Variants in LRCH2 observed in about 807,000 individuals in gnomAD.
The protein encoded by LRCH2 is leucine rich repeats and calponin homology domain containing 2.
In LRCH2, 38 loss-of-function variants were observed where a neutral mutation model predicts 68.9. That is an observed-to-expected ratio of 0.55 (90% CI 0.43 to 0.72). The LOEUF is 0.72. LRCH2 is among the 30% of genes least tolerant of loss of function. The probability of loss-of-function intolerance (pLI) is 0.00; values close to 1 mark genes in which losing one functional copy is unlikely to be tolerated. For missense variants in LRCH2, 528 were observed against 572.9 expected, an observed-to-expected ratio of 0.92 and a Z score of 0.80; for synonymous variants, 191 against 208.1, an observed-to-expected ratio of 0.92 and a Z score of 0.71.
In LRCH2 at chrX:115,117,963, A is replaced by C. The variant is rs782766178; in HGVS notation, c.2178+4564T>G. 1.1e-4 allele frequency among the ~76,000 whole-genome samples: 11 copies of C among 100,691 alleles called. No homozygotes were observed. The East Asian group carries it at 3.1e-3, about 29-fold the overall frequency. The allele number at this position is 100,691 out of a possible 115,157, so 87.4% of individuals were successfully genotyped here. ...CTCAATAAGGCTGTTAAAAATTGGAAAACATCCTAAAACAAAGAAAATTAA... is the reference window on the plus strand; with the variant it reads ...CTCAATAAGGCTGTTAAAAATTGGACAACATCCTAAAACAAAGAAAATTAA... On this transcript the variant is annotated intron_variant, in intron 20 of 20. Coordinates refer to ENST00000317135, the MANE Select transcript of LRCH2 (RefSeq NM_020871.4).
At chrX:115,192,476 C>A (rs781921591) in intron 1 of LRCH2, 2 of 1,170,702 alleles carry the variant, frequency 1.7e-6, no homozygotes. Context: ...GACCGCTACT[C>A]GAGGGGTCGA....
chrX:115,149,595 C>T (rs1281743247), intron 14 of LRCH2, among the ~76,000 whole-genome samples: 2 of 111,634 alleles, frequency 1.8e-5, no homozygotes, highest in Non-Finnish European at 3.8e-5. Flanking sequence ...ATTCGTCTAT[C>T]TTGCAAAGTA....
intron 7 of LRCH2, 135 bp downstream of exon 7, chrX:115,166,119 CT>C (rs2072557753): frequency 9.2e-6 from 6 of 650,993 alleles, no homozygotes; most frequent in Non-Finnish European, 1.2e-5. Context: ...TCAGCATGCC[CT>C]TTTTTTCAGT....
At chrX:115,200,937 A>C (rs2147343359) in intron 1 of LRCH2, among the ~76,000 whole-genome samples, 1 of 111,917 alleles carries the variant, frequency 8.9e-6, no homozygotes, top group Non-Finnish European at 1.9e-5. Flanking sequence ...ACAGGACATC[A>C]AAAAGATAAT....
At chrX:115,180,262 GT>G (rs1183143780) in intron 3 of LRCH2, among the ~76,000 whole-genome samples, 5 of 110,881 alleles carry the variant, frequency 4.5e-5, no homozygotes, top group African/African-American at 1.6e-4. Flanking sequence ...AAAATGAGAA[GT>G]TACAAGCCCC....
chrX:115,174,600 C>CA (rs1569514721), intron 5 of LRCH2, among the ~76,000 whole-genome samples: 957 of 87,190 alleles, frequency 0.011, 14 homozygotes, highest in African/African-American at 0.038. Flanking sequence ...CACCCCCCCC[C>CA]CCACACACAC....
At chrX:115,160,184 C>T (rs1274951195) in intron 11 of LRCH2, among the ~76,000 whole-genome samples, 5 of 110,176 alleles carry the variant, frequency 4.5e-5, no homozygotes, top group Admixed American at 9.7e-5. Context: ...GGCATGCTAG[C>T]GCATGCCTGT....
intron 1 of LRCH2, among the ~76,000 whole-genome samples, chrX:115,188,660 G>A (rs1373018663): frequency 2.7e-5 from 3 of 110,990 alleles, no homozygotes; most frequent in Admixed American, 1.9e-4. Context: ...GCGAAATCCT[G>A]TGTCTACTAA....
chrX:115,226,260 C>A (rs1319677428), intron 1 of LRCH2, among the ~76,000 whole-genome samples: 1 of 111,397 alleles, frequency 9.0e-6, no homozygotes, highest in Admixed American at 9.5e-5. Context: ...TTGGATGAAT[C>A]TTAGCAATTT....
chrX:115,166,073 A>C (rs2072557259), intron 7 of LRCH2, 121 bp from the exon 8 acceptor site: 2 of 650,444 alleles, frequency 3.1e-6, no homozygotes, highest in Non-Finnish European at 4.7e-6. Context: ...TTTCAAACCC[A>C]AAATTAACAT....
In LRCH2 at chrX:115,191,864, G is replaced by A. The variant is rs782362547; in HGVS notation, c.350-3494C>T. 274 of 1,143,997 alleles carry A rather than the reference G, an allele frequency of 2.4e-4. 2 individuals carry two copies. The South Asian group carries it at 3.7e-3, about 16-fold the overall frequency. 94.3% of individuals were successfully genotyped at this position (1,143,997 alleles called of 1,213,427 possible). A position where few individuals can be genotyped will look rare whatever the true frequency, so the allele number is the denominator to read the frequency against. On this transcript the variant is annotated intron_variant, in intron 1 of 20. Coordinates refer to ENST00000317135, the MANE Select transcript of LRCH2 (RefSeq NM_020871.4). Reference sequence around the variant, plus strand: ...AGCGGGGGCCACAACAGTTCCAGCCGGAACGACCCCTGCAGAGGAGGAGGC... The same window carrying A: ...AGCGGGGGCCACAACAGTTCCAGCCAGAACGACCCCTGCAGAGGAGGAGGC...
At chrX:115,208,140 T>C (rs1224253997) in intron 1 of LRCH2, among the ~76,000 whole-genome samples, 1 of 112,410 alleles carries the variant, frequency 8.9e-6, no homozygotes, top group Non-Finnish European at 1.9e-5. Context: ...TTTTAAACTA[T>C]TAAGTTTGTG....
At chrX:115,178,478 T>G (rs1227338584) in intron 5 of LRCH2, among the ~76,000 whole-genome samples, 1 of 111,941 alleles carries the variant, frequency 8.9e-6, no homozygotes, top group Non-Finnish European at 1.9e-5. Context: ...CAGCACTGCC[T>G]TAGACATTCC....
intron 1 of LRCH2, among the ~76,000 whole-genome samples, chrX:115,201,756 C>G (rs2072931560): frequency 1.8e-5 from 2 of 111,604 alleles, no homozygotes; most frequent in Non-Finnish European, 3.8e-5. Context: ...CATCTTATAT[C>G]TAGAAAAACC....
At chrX:115,136,403 A>T (rs2072290383) in intron 14 of LRCH2, among the ~76,000 whole-genome samples, 1 of 112,021 alleles carries the variant, frequency 8.9e-6, no homozygotes, top group Non-Finnish European at 1.9e-5. Context: ...AATCATCTCC[A>T]GATTACTTAT....
chrX:115,174,037 T>C (rs190269743), intron 5 of LRCH2, among the ~76,000 whole-genome samples: 2 of 112,074 alleles, frequency 1.8e-5, no homozygotes, highest in Non-Finnish European at 1.9e-5. Flanking sequence ...AACAGTAGGC[T>C]ATTAGCAGCT....
chrX:115,118,874 C>A (rs1475700880), intron 20 of LRCH2, among the ~76,000 whole-genome samples: 1 of 110,861 alleles, frequency 9.0e-6, no homozygotes, highest in Admixed American at 9.6e-5. Context: ...ATACGCAAAT[C>A]AATAAATGTA....
At chrX:115,122,641 T>A (rs782003989) in intron 19 of LRCH2, 37 bp from the exon 20 acceptor site, 1 of 1,185,632 alleles carries the variant, frequency 8.4e-7, no homozygotes, top group Non-Finnish European at 1.1e-6. Context: ...CTTTTAGGCA[T>A]TTTTCTATGG....
At chrX:115,139,892 T>G (rs996315190) in intron 14 of LRCH2, among the ~76,000 whole-genome samples, 7 of 111,192 alleles carry the variant, frequency 6.3e-5, no homozygotes, top group Non-Finnish European at 1.1e-4. Context: ...CAAAGTACTC[T>G]GGGGTTCTAG....
Sources: gnomAD v4.1 joint callset for allele counts (sites outside exome capture counted in the v4.1 genomes callset) on GRCh38, gnomAD v4.1.1 for gene constraint, MANE v1.5 for transcripts, NCBI Gene and HGNC (gene_info 2026-07-23, HGNC 2026-07-21) for gene names.